Variants in PHRF1 observed in about 807,000 individuals in gnomAD.
PHRF1 encodes PHD and RING finger domain-containing protein 1.
PHRF1 carries 53 observed loss-of-function variants against 128.9 expected under a neutral mutation model. The ratio of observed to expected loss-of-function variants is 0.41; its 90% confidence interval spans 0.33 to 0.52. The LOEUF (loss-of-function observed/expected upper bound fraction) is 0.52, where lower values mean the gene tolerates loss of function less well. Among genes scored for constraint, PHRF1 ranks in the 20% least tolerant of loss-of-function variants. The pLI is 0.21. For synonymous variants in PHRF1, 1,178 were observed against 980.6 expected (o/e 1.20, Z -3.76); for missense variants, 2,503 against 2,284.5 (o/e 1.10, Z -1.95).
intron 17 of PHRF1, 147 bp from the exon 18 acceptor site, chr11:611,487 G>A (rs1480526352): frequency 1.2e-5 from 13 of 1,128,570 alleles, no homozygotes; most frequent in Non-Finnish European, 1.6e-5. Flanking sequence ...ACATAGGTGG[G>A]GCGGCCTCTG....
Position 610,574 on chromosome 11 carries a change from C to T in PHRF1, c.4490C>T (p.Pro1497Leu), listed in dbSNP as rs766778361. The change falls in exon 16 of 18, where the codon CCC (proline) becomes CTC (leucine). Residue 1497 changes from proline (P) to leucine (L), a missense_variant. Physicochemically the swap from Pro to Leu is moderately conservative, Grantham distance 98 (BLOSUM62 -3). Coordinates refer to ENST00000264555, the MANE Select transcript of PHRF1 (RefSeq NM_001286581.2). Reference protein sequence around the residue: ...SIPPCALVSQPTVQFILQGSL... With the variant: ...SIPPCALVSQLTVQFILQGSL... ...CCACCCTGCGCACTGGTCAGCCAGC[C>T]CACGGTCCAGTTCATCCTTCAGGGG... The T allele has an allele frequency of 6.2e-7, 1 of 1,606,436 alleles. No homozygotes were observed. The highest frequency in any genetic ancestry group is 1.7e-5 in the Admixed American group (1 of 59,998).
In PHRF1 at chr11:578,858, AT is replaced by A. The variant is rs1307058939; in HGVS notation, c.-22+2277del. On this transcript the variant is annotated intron_variant, in intron 1 of 17. Transcript: ENST00000264555. ...GAGCCACCACGCCCGGCTGATTCAC[AT>A]TTTTTTTTTTGAGACTGAGTCTCAC... Among the ~76,000 whole-genome samples, 499 of 145,686 alleles carry A rather than the reference AT, an allele frequency of 3.4e-3. 4 individuals are homozygous for A. Among genetic ancestry groups the A allele is most frequent in the African/African-American group, 0.01 (414 of 39,918 alleles).
intron 4 of PHRF1, among the ~76,000 whole-genome samples, chr11:591,103 C>G (rs1854944453): frequency 6.6e-6 from 1 of 152,230 alleles, no homozygotes; most frequent in Non-Finnish European, 1.5e-5. Context: ...GGCCTGTGCA[C>G]AATGCCGCCC....
At chr11:588,052 G>A (rs1473462061) in intron 4 of PHRF1, among the ~76,000 whole-genome samples, 1 of 152,032 alleles carries the variant, frequency 6.6e-6, no homozygotes, top group East Asian at 1.9e-4. Context: ...ATGAGTCCCC[G>A]ACCTCTGTAC....
intron 3 of PHRF1, among the ~76,000 whole-genome samples, chr11:584,478 C>T (rs1243598401): frequency 2.0e-5 from 3 of 152,066 alleles, no homozygotes; most frequent in Admixed American, 6.6e-5. Flanking sequence ...GAGCTGTGGG[C>T]GTCCAGGGGA....
At position 607,247 on chromosome 11, in the gene PHRF1, G is replaced by T. The variant is rs747446603; in HGVS notation, c.1791G>T (p.Gly597=). The change falls in exon 14 of 18, where the codon GGG becomes GGT. Residue 597 remains glycine, a synonymous_variant. Transcript: ENST00000264555. The stretch of plus-strand genomic sequence containing the variant: ...CCCGCACCCCCGCCCGCACCGCGGG[G>T]GCGCCTGTGAGGCTGGACTTGCCAG... ...GRSRTPARTA[G]APVRLDLPAA... 1 of 1,612,494 alleles carries T rather than the reference G, an allele frequency of 6.2e-7. No individual in the cohort carries two copies. Among genetic ancestry groups the T allele is most frequent in the Non-Finnish European group, 8.5e-7 (1 of 1,179,780 alleles).
chr11:582,688 C>T (rs889801698), intron 3 of PHRF1, among the ~76,000 whole-genome samples: 2 of 151,866 alleles, frequency 1.3e-5, no homozygotes, highest in Non-Finnish European at 2.9e-5. Flanking sequence ...CCAAGCCTGG[C>T]TAATTTTTTG....
intron 1 of PHRF1, among the ~76,000 whole-genome samples, chr11:578,496 C>T (rs1025829123): frequency 2.0e-5 from 3 of 152,200 alleles, no homozygotes; most frequent in Non-Finnish European, 2.9e-5. Flanking sequence ...TGTGCCAAAC[C>T]CCACACGGCC....
Position 609,220 on chromosome 11 carries a change from A to G in PHRF1, c.3764A>G (p.Asp1255Gly). The G allele has an allele frequency of 6.2e-7, 1 of 1,609,930 alleles. No homozygotes were observed. Among genetic ancestry groups the G allele is most frequent in the South Asian group, 1.1e-5 (1 of 91,084 alleles). Residue 1255 changes from aspartate (D) to glycine (G), a missense_variant, in exon 14 of 18, where the codon GAC (aspartate) becomes GGC (glycine). Coordinates refer to ENST00000264555, the MANE Select transcript of PHRF1 (RefSeq NM_001286581.2). ...GAGGTGGCAGCTGAGTGTGAGCCGG[A>G]CGACCTGGACCTGGATTATGGCGAC... ...VLEVAAECEP[D>G]DLDLDYGDSV...
At position 588,675 on chromosome 11, in the gene PHRF1, G is replaced by A. The variant is rs555256596; in HGVS notation, c.420+1211G>A. ...ATTACAGGCGTGAGCCACCACGCCCGGCCATTTTTATTTTTATTTTTTTTT... is the reference window on the plus strand; with the variant it reads ...ATTACAGGCGTGAGCCACCACGCCCAGCCATTTTTATTTTTATTTTTTTTT... On this transcript the variant is annotated intron_variant, in intron 4 of 17. Transcript: ENST00000264555. Among the ~76,000 whole-genome samples the A allele has an allele frequency of 2.0e-5, 3 of 152,040 alleles. No homozygotes were observed. The South Asian group carries it at 6.3e-4, about 32-fold the overall frequency.
intron 13 of PHRF1, 91 bp from the exon 14 acceptor site, chr11:606,975 T>A: frequency 2.7e-6 from 4 of 1,507,404 alleles, no homozygotes; most frequent in Non-Finnish European, 3.5e-6. Context: ...GCGCACGACC[T>A]CACAGAAAAC....
At position 608,408 on chromosome 11, in the gene PHRF1, C is replaced by T. The variant is rs757343452; in HGVS notation, c.2952C>T (p.Val984=). 23 of 1,611,434 alleles carry T rather than the reference C, an allele frequency of 1.4e-5. No homozygotes were observed. The highest frequency in any genetic ancestry group is 3.3e-5 in the Admixed American group (2 of 59,834). The part of the protein sequence containing the change: ...PDVLQAATHR[V]VELRPPSRSR... ...TGCTGCAGGCTGCCACCCACAGAGT[C>T]GTGGAGCTCAGGCCCCCTTCCCGGT... is the stretch of plus-strand genomic sequence containing the variant. Residue 984 remains valine, a synonymous_variant, in exon 14 of 18, where the codon GTC becomes GTT. Coordinates refer to ENST00000264555, the MANE Select transcript of PHRF1 (RefSeq NM_001286581.2).
chr11:603,926 C>T (rs940524171), intron 10 of PHRF1, among the ~76,000 whole-genome samples: 1 of 152,108 alleles, frequency 6.6e-6, no homozygotes, highest in South Asian at 2.1e-4. Context: ...TGGTCTTGAA[C>T]TCCCGACCTC....
Position 581,521 on chromosome 11 carries a change from C to T in PHRF1, c.9C>T (p.Asp3=), listed in dbSNP as rs754979752. 5.3e-5 allele frequency: 85 copies of T among 1,613,458 alleles called. No homozygotes were observed. Among genetic ancestry groups the T allele is most frequent in the Middle Eastern group, 1.6e-4 (1 of 6,082 alleles). Reference sequence around the variant, plus strand: ...GAGCTCAATGTGCAGCAATGGATGACGACAGCCTGGATGAGCTTGTGGCCC... The same window carrying T: ...GAGCTCAATGTGCAGCAATGGATGATGACAGCCTGGATGAGCTTGTGGCCC... The part of the protein sequence containing the change: MD[D]DSLDELVARS... The change falls in exon 2 of 18, where the codon GAC becomes GAT. Residue 3 remains aspartate (D), a synonymous_variant. Coordinates refer to ENST00000264555, the MANE Select transcript of PHRF1 (RefSeq NM_001286581.2).
In PHRF1 at chr11:597,965, C is replaced by T. The variant is rs766027868; in HGVS notation, c.894+395C>T. ...AGCCTCCGTCCTGACAGCAGCCTTT[C>T]CCTGGGCATTGGACAAGCAGGAGGG... On this transcript the variant is annotated intron_variant, in intron 8 of 17. Transcript: ENST00000264555. This position sits in a 1 kb window ranked among gnomAD's most constrained non-coding sequence, Gnocchi z 6.5. 1.3e-5 allele frequency among the ~76,000 whole-genome samples: 2 copies of T among 152,214 alleles called. No homozygotes were observed. Among genetic ancestry groups the T allele is most frequent in the Non-Finnish European group, 2.9e-5 (2 of 68,040 alleles).
chr11:602,495 A>G (rs1855683906), intron 10 of PHRF1, among the ~76,000 whole-genome samples: 1 of 152,118 alleles, frequency 6.6e-6, no homozygotes, highest in Non-Finnish European at 1.5e-5. Flanking sequence ...AGCCTGGCCA[A>G]CATGGTGAAA....
chr11:599,248 C>T (rs373435323), intron 9 of PHRF1, among the ~76,000 whole-genome samples: 95 of 124,396 alleles, frequency 7.6e-4, no homozygotes, highest in South Asian at 1.9e-3. Context: ...TTTTTTTTTT[C>T]TTTTCTTTTT....
chr11:608,880 A>C lies in PHRF1; in HGVS notation c.3424A>C (p.Ser1142Arg). The stretch of plus-strand genomic sequence containing the variant: ...CAGGCACAAGCATCAGCGGGAACGC[A>C]GCCACGAGCGGCCAGACAGGAAGGA... ...LCRHKHQRERSHERPDRKESV... is the reference protein window; with the variant it reads ...LCRHKHQRERRHERPDRKESV... Residue 1142 changes from serine to arginine, a missense_variant, in exon 14 of 18, where the codon AGC (serine) becomes CGC (arginine). Ser to Arg is a moderately radical substitution (Grantham distance 110). Coordinates refer to ENST00000264555, the MANE Select transcript of PHRF1 (RefSeq NM_001286581.2). 1 of 1,612,360 alleles carries C rather than the reference A, an allele frequency of 6.2e-7. No homozygotes were observed.
chr11:588,296 C>T (rs1436896132), intron 4 of PHRF1, among the ~76,000 whole-genome samples: 1 of 152,320 alleles, frequency 6.6e-6, no homozygotes, highest in South Asian at 2.1e-4. Context: ...TGATGTCACC[C>T]AAAGTCTGGC....
Sources: allele counts gnomAD v4.1 joint callset (sites outside exome capture counted in the v4.1 genomes callset), GRCh38; gene constraint gnomAD v4.1.1; non-coding constraint Gnocchi (gnomAD v3.1); transcripts MANE v1.5; gene names NCBI Gene and HGNC (gene_info 2026-07-23, HGNC 2026-07-21).